Variants in KCTD8 observed in about 807,000 individuals in gnomAD.
KCTD8 encodes the protein potassium channel tetramerization domain containing 8, also known as BTB/POZ domain-containing protein KCTD8.
In KCTD8, 27 loss-of-function variants were observed where a neutral mutation model predicts 31.5. The observed-to-expected ratio is 0.86, with a 90% CI of 0.63 to 1.18. The LOEUF (loss-of-function observed/expected upper bound fraction) is 1.18. Among genes scored for constraint, KCTD8 ranks in the 50% most tolerant of loss-of-function variants. The pLI is 0.00. For missense variants in KCTD8, 658 were observed against 647.7 expected (o/e 1.02, Z -0.17); for synonymous variants, 290 against 280.0 (o/e 1.04, Z -0.36).
intron 1 of KCTD8, among the ~76,000 whole-genome samples, chr4:44,328,420 T>C (rs1718503065): frequency 6.6e-6 from 1 of 151,918 alleles, no homozygotes; most frequent in Non-Finnish European, 1.5e-5. Flanking sequence ...TTTACCCAGC[T>C]GAGTACTAGA....
rs201575128 is a variant in KCTD8, at chr4:44,202,130, TA to T, written c.962-26881del. 6.5e-3 allele frequency among the ~76,000 whole-genome samples: 984 copies of T among 150,562 alleles called. 5 individuals are homozygous for T. The highest frequency in any genetic ancestry group is 0.011 in the Non-Finnish European group (766 of 67,492). On this transcript the variant is annotated intron_variant, in intron 1 of 1. Coordinates refer to ENST00000360029, the MANE Select transcript of KCTD8 (RefSeq NM_198353.3). The stretch of plus-strand genomic sequence containing the variant: ...GTCAGAATGGTGATTATTGAAAAGT[TA>T]AAAAAAAACAGATGCTAATGAGGCT...
chr4:44,232,182 T>C (rs913714937), intron 1 of KCTD8, among the ~76,000 whole-genome samples: 1 of 152,158 alleles, frequency 6.6e-6, no homozygotes, highest in African/African-American at 2.4e-5. Flanking sequence ...AACAATAATT[T>C]CTAGACCAAA....
At chr4:44,275,936 T>A (rs1157086364) in intron 1 of KCTD8, among the ~76,000 whole-genome samples, 1 of 152,066 alleles carries the variant, frequency 6.6e-6, no homozygotes, top group Non-Finnish European at 1.5e-5. Context: ...TTTGCATCAG[T>A]GTAGCAAATA....
At chr4:44,227,013 T>C (rs1401610830) in intron 1 of KCTD8, among the ~76,000 whole-genome samples, 1 of 152,240 alleles carries the variant, frequency 6.6e-6, no homozygotes, top group Non-Finnish European at 1.5e-5. Flanking sequence ...GATGATAGTT[T>C]CATTTGCTGT....
intron 1 of KCTD8, among the ~76,000 whole-genome samples, chr4:44,425,734 T>C (rs758192333): frequency 1.7e-4 from 26 of 152,006 alleles, no homozygotes; most frequent in African/African-American, 9.7e-5. Flanking sequence ...GAGGGAGCTA[T>C]AGATTTGAGG....
chr4:44,438,058 C>T (rs1721718926), intron 1 of KCTD8, among the ~76,000 whole-genome samples: 1 of 152,082 alleles, frequency 6.6e-6, no homozygotes, highest in African/African-American at 2.4e-5. Flanking sequence ...ATGTATGAAT[C>T]CTTACAAGGA....
intron 1 of KCTD8, among the ~76,000 whole-genome samples, chr4:44,290,250 C>A (rs2109384738): frequency 6.6e-6 from 1 of 152,086 alleles, no homozygotes; most frequent in African/African-American, 2.4e-5. Context: ...GGATACAATG[C>A]AACAAAAAGG....
intron 1 of KCTD8, among the ~76,000 whole-genome samples, chr4:44,342,242 G>A (rs1718920763): frequency 6.6e-6 from 1 of 151,826 alleles, no homozygotes; most frequent in African/African-American, 2.4e-5. Flanking sequence ...TGTGGCAGAC[G>A]CCTGTAGTCC....
intron 1 of KCTD8, among the ~76,000 whole-genome samples, chr4:44,422,467 C>T (rs551131660): frequency 1.8e-4 from 28 of 151,944 alleles, no homozygotes; most frequent in Non-Finnish European, 4.0e-4. Flanking sequence ...CCCTTCTCCC[C>T]CATCTTTTAT....
intron 1 of KCTD8, among the ~76,000 whole-genome samples, chr4:44,261,633 T>C (rs1324663126): frequency 6.6e-6 from 1 of 151,978 alleles, no homozygotes; most frequent in Admixed American, 6.6e-5. Context: ...TTCTACTCTC[T>C]GCTTTTATAG....
chr4:44,320,170 CAAAAAAAAAAAAAAAA>C (rs35250421), intron 1 of KCTD8, among the ~76,000 whole-genome samples: 3 of 31,910 alleles, frequency 9.4e-5, no homozygotes, highest in Middle Eastern at 0.036. Flanking sequence ...GCCTCCATCT[CAAAAAAAAAAAAAAAA>C]AAAAAAAAAA....
chr4:44,268,193 C>G (rs1242838015), intron 1 of KCTD8, among the ~76,000 whole-genome samples: 1 of 152,038 alleles, frequency 6.6e-6, no homozygotes. Flanking sequence ...AGCTTATCCA[C>G]CATAATCAAG....
At chr4:44,197,263 T>C (rs1002105026) in intron 1 of KCTD8, among the ~76,000 whole-genome samples, 2 of 151,672 alleles carry the variant, frequency 1.3e-5, no homozygotes, top group African/African-American at 4.9e-5. Context: ...AGGGTATGCC[T>C]CCCTCCACAG....
chr4:44,198,798 C>A (rs542625098), intron 1 of KCTD8, among the ~76,000 whole-genome samples: 7 of 152,178 alleles, frequency 4.6e-5, no homozygotes, highest in Non-Finnish European at 5.9e-5. Flanking sequence ...ATCAAAATAT[C>A]ACATATCAAT....
At chr4:44,272,121 T>TTA (rs34459205) in intron 1 of KCTD8, among the ~76,000 whole-genome samples, 2,647 of 142,474 alleles carry the variant, frequency 0.019, 81 homozygotes, top group African/African-American at 0.054. Context: ...TGGTATTATA[T>TTA]TATATATATA....
At chr4:44,344,533 GGA>G (rs1375025061) in intron 1 of KCTD8, among the ~76,000 whole-genome samples, 1 of 152,080 alleles carries the variant, frequency 6.6e-6, no homozygotes, top group East Asian at 1.9e-4. Flanking sequence ...AAACTACTAT[GGA>G]ACTGTCAGTT....
chr4:44,331,731 TTA>T (rs368728228), intron 1 of KCTD8, among the ~76,000 whole-genome samples: 135 of 147,658 alleles, frequency 9.1e-4, no homozygotes, highest in Middle Eastern at 7.2e-3. Context: ...ATATATAGTT[TTA>T]TATATATATA....
At chr4:44,411,359 T>C (rs949079090) in intron 1 of KCTD8, among the ~76,000 whole-genome samples, 7 of 110,480 alleles carry the variant, frequency 6.3e-5, no homozygotes, top group African/African-American at 1.5e-4. Flanking sequence ...ACTTGACCAA[T>C]AGAGTGAGAG....
chr4:44,259,400 G>A (rs905796355), intron 1 of KCTD8, among the ~76,000 whole-genome samples: 12 of 151,776 alleles, frequency 7.9e-5, no homozygotes, highest in Non-Finnish European at 1.5e-4. Flanking sequence ...CAAATAGAAA[G>A]TTTCTGTAAT....
Sources: allele counts gnomAD v4.1 joint callset (sites outside exome capture counted in the v4.1 genomes callset), GRCh38; gene constraint gnomAD v4.1.1; transcripts MANE v1.5; gene names NCBI Gene and HGNC (gene_info 2026-07-23, HGNC 2026-07-21).